HSDL2: variants seen among roughly 807,000 people sequenced by gnomAD.
HSDL2 encodes the protein hydroxysteroid dehydrogenase like 2.
Under a neutral mutation model 46.3 loss-of-function variants are expected in HSDL2, and 27 were observed. That is an observed-to-expected ratio of 0.58 (90% confidence interval 0.43 to 0.80). The LOEUF (loss-of-function observed/expected upper bound fraction) is 0.80, where lower values mean the gene tolerates loss of function less well. HSDL2 is among the 30% of genes least tolerant of loss of function. HSDL2 has a pLI of 0.00. For missense variants in HSDL2, 451 were observed against 502.7 expected (o/e 0.90, Z 0.98); for synonymous variants, 153 against 163.6 (o/e 0.94, Z 0.50).
chr9:112,418,010 G>C (rs1832032520), intron 5 of HSDL2, among the ~76,000 whole-genome samples: 1 of 152,146 alleles, frequency 6.6e-6, no homozygotes, highest in South Asian at 2.1e-4. Flanking sequence ...CTGGGAGGTG[G>C]AGTTTGCAGT....
intron 6 of HSDL2, among the ~76,000 whole-genome samples, chr9:112,428,923 C>CGG (rs1196673434): frequency 1.3e-5 from 2 of 152,080 alleles, no homozygotes; most frequent in Non-Finnish European, 2.9e-5. Context: ...ATTTTTGAGA[C>CGG]AGTCTTGCTC....
At chr9:112,400,908 T>C (rs1405950573) in intron 1 of HSDL2, among the ~76,000 whole-genome samples, 2 of 152,192 alleles carry the variant, frequency 1.3e-5, no homozygotes, top group East Asian at 3.8e-4. Flanking sequence ...AGTAAGGGCC[T>C]ACTCCAATAT....
intron 1 of HSDL2, among the ~76,000 whole-genome samples, chr9:112,399,568 A>G (rs7019216): frequency 0.29 from 44,627 of 151,900 alleles, 6,867 homozygotes; most frequent in Admixed American, 0.38. Flanking sequence ...ACCAGAGCGT[A>G]TCTCACTCCT....
rs1268087957 is a variant in HSDL2, at chr9:112,386,457, G to C, written c.17+6277G>C. 2.0e-5 allele frequency among the ~76,000 whole-genome samples: 3 copies of C among 152,144 alleles called. No individual in the cohort carries two copies. The East Asian group carries it at 5.8e-4, about 29-fold the overall frequency. ...ATTATTATAATTAATAAAAGTTTAA[G>C]AAAATTGCTATATATAAAAGTCAAC... is the stretch of plus-strand genomic sequence containing the variant. On this transcript the variant is annotated intron_variant, in intron 1 of 10. Coordinates refer to ENST00000398805, the MANE Select transcript of HSDL2 (RefSeq NM_032303.5).
chr9:112,458,317 CTTCTT>C (rs1833093094), intron 9 of HSDL2, among the ~76,000 whole-genome samples: 1 of 53,156 alleles, frequency 1.9e-5, no homozygotes, highest in Non-Finnish European at 3.7e-5. Context: ...TTAACCACTT[CTTCTT>C]TTTTTTTTTT....
intron 8 of HSDL2, among the ~76,000 whole-genome samples, chr9:112,446,332 C>G (rs1229525955): frequency 6.6e-6 from 1 of 151,826 alleles, no homozygotes; most frequent in African/African-American, 2.4e-5. Flanking sequence ...CTGTTTAAAA[C>G]TACTCTCCAG....
chr9:112,402,078 G>T (rs1831613852), intron 1 of HSDL2, among the ~76,000 whole-genome samples: 1 of 151,988 alleles, frequency 6.6e-6, no homozygotes, highest in Admixed American at 6.6e-5. Context: ...CCAATCTCAG[G>T]TCATCCCTTT....
At chr9:112,458,272 T>C (rs1012245175) in intron 9 of HSDL2, among the ~76,000 whole-genome samples, 7 of 152,032 alleles carry the variant, frequency 4.6e-5, no homozygotes, top group Non-Finnish European at 1.0e-4. Context: ...TTTTGAAAAC[T>C]TAATTTTGCA....
At position 112,460,893 on chromosome 9, in the gene HSDL2, CTTA is replaced by C. The variant is rs1322554495; in HGVS notation, c.1144+1321_1144+1323del. Among the ~76,000 whole-genome samples the C allele has an allele frequency of 3.9e-5, 6 of 152,074 alleles. 1 individual carries two copies. The East Asian group carries it at 9.7e-4, about 25-fold the overall frequency. On this transcript the variant is annotated intron_variant, in intron 10 of 10. Coordinates refer to ENST00000398805, the MANE Select transcript of HSDL2 (RefSeq NM_032303.5). ...ATCTATATATGTATATTATGCTCAT[CTTA>C]TTATGGTTTGCATAATTTGGTTTAG...
At chr9:112,469,272 C>T in intron 10 of HSDL2, among the ~76,000 whole-genome samples, 1 of 151,888 alleles carries the variant, frequency 6.6e-6, no homozygotes, top group East Asian at 1.9e-4. Context: ...CACACTTTCT[C>T]TGCAAAGAAC....
intron 8 of HSDL2, among the ~76,000 whole-genome samples, chr9:112,444,568 T>G (rs1832706846): frequency 6.6e-6 from 1 of 151,890 alleles, no homozygotes; most frequent in African/African-American, 2.4e-5. Flanking sequence ...CAAAACTTTG[T>G]CTCTACAAAA....
At chr9:112,396,969 C>T (rs1295155036) in intron 1 of HSDL2, among the ~76,000 whole-genome samples, 2 of 152,130 alleles carry the variant, frequency 1.3e-5, no homozygotes, top group East Asian at 3.9e-4. Flanking sequence ...GAGACTGGCC[C>T]CGCTTCCGAT....
intron 4 of HSDL2, among the ~76,000 whole-genome samples, chr9:112,414,979 T>C (rs976852621): frequency 6.6e-6 from 1 of 151,592 alleles, no homozygotes; most frequent in African/African-American, 2.4e-5. Flanking sequence ...AATGGACAAG[T>C]TCAGAGTCCT....
intron 10 of HSDL2, among the ~76,000 whole-genome samples, chr9:112,465,366 C>T (rs1833345021): frequency 6.6e-6 from 1 of 152,126 alleles, no homozygotes; most frequent in South Asian, 2.1e-4. Flanking sequence ...TGACCTCAGG[C>T]AATCCTCCTG....
rs751543667 is a variant in HSDL2, at chr9:112,450,254, A to AC, written c.866-3749dup. Reference sequence around the variant, plus strand: ...AGACCGGCCTGGGCAACATAGCGAGACCCCCCCCCCATCTCTACCAATAGA... The same window carrying AC: ...AGACCGGCCTGGGCAACATAGCGAGACCCCCCCCCCCATCTCTACCAATAGA... On this transcript the variant is annotated intron_variant, in intron 8 of 10. Transcript: ENST00000398805. Among the ~76,000 whole-genome samples, 76 of 17,808 alleles carry AC rather than the reference A, an allele frequency of 4.3e-3. 1 individual carries two copies. Among genetic ancestry groups the AC allele is most frequent in the African/African-American group, 0.014 (50 of 3,688 alleles). 11.7% of individuals were successfully genotyped at this position (17,808 alleles called of 152,430 possible).
chr9:112,405,870 A>G, intron 3 of HSDL2, 148 bp downstream of exon 3: 2 of 581,598 alleles, frequency 3.4e-6, no homozygotes, highest in Non-Finnish European at 6.0e-6. Context: ...ATTTAAAACC[A>G]TCTGATAAGG....
chr9:112,468,237 C>T (rs983618715), intron 10 of HSDL2, among the ~76,000 whole-genome samples: 4 of 152,128 alleles, frequency 2.6e-5, no homozygotes, highest in African/African-American at 9.7e-5. Context: ...TCTGATATTT[C>T]ACAGTGATAA....
chr9:112,465,000 T>C (rs1294093888), intron 10 of HSDL2, among the ~76,000 whole-genome samples: 1 of 152,260 alleles, frequency 6.6e-6, no homozygotes, highest in Admixed American at 6.5e-5. Flanking sequence ...TCATGTAATA[T>C]GTGATCTTTT....
chr9:112,423,870 C>A (rs10981401), intron 6 of HSDL2, among the ~76,000 whole-genome samples: 1 of 151,216 alleles, frequency 6.6e-6, no homozygotes, highest in African/African-American at 2.4e-5. Flanking sequence ...CTCGCCCCCA[C>A]GCCCAGCTAA....
Sources: gnomAD v4.1 joint callset for allele counts (sites outside exome capture counted in the v4.1 genomes callset) on GRCh38, gnomAD v4.1.1 for gene constraint, MANE v1.5 for transcripts, NCBI Gene and HGNC (gene_info 2026-07-23, HGNC 2026-07-21) for gene names.